ZRANB3: variants seen among roughly 807,000 people sequenced by gnomAD.
ZRANB3 encodes zinc finger RANBP2-type containing 3, also known as DNA annealing helicase and endonuclease ZRANB3.
A neutral mutation model predicts 133.8 loss-of-function variants in ZRANB3; 125 were observed. That is an observed-to-expected ratio of 0.93 (90% CI 0.81 to 1.08). ZRANB3 has a LOEUF of 1.08. ZRANB3 is among the 50% of genes least tolerant of loss of function. ZRANB3 has a pLI of 0.00. For missense variants in ZRANB3, 1,229 were observed against 1,275.5 expected (o/e 0.96, Z 0.56); for synonymous variants, 387 against 432.7 (o/e 0.89, Z 1.31).
chr2:135,472,928 CATATA>C (rs775102103), intron 2 of ZRANB3, among the ~76,000 whole-genome samples: 2 of 152,176 alleles, frequency 1.3e-5, no homozygotes, highest in African/African-American at 4.8e-5. Context: ...ACACTTCTAG[CATATA>C]ATATGTGCTT....
At chr2:135,381,500 G>C (rs901707491) in intron 3 of ZRANB3, among the ~76,000 whole-genome samples, 4 of 152,182 alleles carry the variant, frequency 2.6e-5, no homozygotes, top group Non-Finnish European at 5.9e-5. Flanking sequence ...AGAGAGTAGT[G>C]GTTCTCCCAG....
intron 3 of ZRANB3, among the ~76,000 whole-genome samples, chr2:135,357,114 T>C (rs1685473116): frequency 6.6e-6 from 1 of 152,190 alleles, no homozygotes; most frequent in Non-Finnish European, 1.5e-5. Context: ...TTGTTTTATA[T>C]TTGAGACAGT....
At chr2:135,252,521 G>T (rs1032821405) in intron 12 of ZRANB3, among the ~76,000 whole-genome samples, 1 of 152,060 alleles carries the variant, frequency 6.6e-6, no homozygotes, top group Non-Finnish European at 1.5e-5. Context: ...TAACTCAGGG[G>T]GTTAAATTAA....
In ZRANB3 at chr2:135,419,330, T is replaced by C. The variant is rs76758774; in HGVS notation, c.162-28510A>G. Among the ~76,000 whole-genome samples, 449 of 152,032 alleles carry C rather than the reference T, an allele frequency of 3.0e-3. 3 individuals are homozygous for C. Among genetic ancestry groups the C allele is most frequent in the African/African-American group, 0.01 (418 of 41,468 alleles). The stretch of plus-strand genomic sequence containing the variant: ...TGTACATTTTGGATTTTACATAAGA[T>C]TAGGAAAGGTATAAATCAATCGTAG... On this transcript the variant is annotated intron_variant, in intron 2 of 20. Transcript: ENST00000264159.
At chr2:135,415,622 C>T (rs553279239) in intron 2 of ZRANB3, among the ~76,000 whole-genome samples, 317 of 152,272 alleles carry the variant, frequency 2.1e-3, no homozygotes, top group Non-Finnish European at 2.9e-3. Context: ...TCAGCATCAT[C>T]CTGATACCAA....
chr2:135,519,900 A>C (rs1468998093), intron 1 of ZRANB3, among the ~76,000 whole-genome samples: 1 of 152,156 alleles, frequency 6.6e-6, no homozygotes, highest in Non-Finnish European at 1.5e-5. Context: ...TCATACTTCA[A>C]CAACATTAAC....
At chr2:135,473,589 C>T (rs1574157800) in intron 2 of ZRANB3, among the ~76,000 whole-genome samples, 1 of 151,520 alleles carries the variant, frequency 6.6e-6, no homozygotes, top group African/African-American at 2.4e-5. Context: ...TGGAAATACA[C>T]ATTCGATTTT....
chr2:135,323,933 T>G (rs1683667938), intron 6 of ZRANB3, among the ~76,000 whole-genome samples: 2 of 152,064 alleles, frequency 1.3e-5, no homozygotes, highest in South Asian at 4.2e-4. Flanking sequence ...CACCTCCAGC[T>G]AATTTTTATA....
intron 3 of ZRANB3, among the ~76,000 whole-genome samples, chr2:135,379,015 T>G (rs1479387170): frequency 1.3e-5 from 2 of 152,168 alleles, no homozygotes; most frequent in African/African-American, 4.8e-5. Context: ...AAAACCTGCA[T>G]AAAGTATGGT....
chr2:135,418,342 C>T (rs1158129949), intron 2 of ZRANB3, among the ~76,000 whole-genome samples: 1 of 152,152 alleles, frequency 6.6e-6, no homozygotes, highest in Non-Finnish European at 1.5e-5. Flanking sequence ...GAACCAATCT[C>T]CTGCATATAC....
intron 2 of ZRANB3, among the ~76,000 whole-genome samples, chr2:135,429,962 C>T (rs927496521): frequency 7.2e-5 from 11 of 152,160 alleles, no homozygotes; most frequent in African/African-American, 1.9e-4. Context: ...ATGGGAGGAT[C>T]GCTTGAGCCC....
chr2:135,313,830 A>G (rs1042033372), intron 7 of ZRANB3, among the ~76,000 whole-genome samples: 2 of 152,210 alleles, frequency 1.3e-5, no homozygotes, highest in Admixed American at 6.5e-5. Context: ...GTGAAAACAA[A>G]GCCCTTTGCT....
intron 2 of ZRANB3, among the ~76,000 whole-genome samples, chr2:135,455,869 C>A (rs1293868693): frequency 6.6e-6 from 1 of 152,184 alleles, no homozygotes; most frequent in African/African-American, 2.4e-5. Flanking sequence ...GCTGGGATTA[C>A]AGGCATGAGC....
At chr2:135,250,384 C>T (rs189826459) in intron 12 of ZRANB3, among the ~76,000 whole-genome samples, 25 of 152,086 alleles carry the variant, frequency 1.6e-4, no homozygotes, top group Non-Finnish European at 2.6e-4. Context: ...GAAAACTTCT[C>T]GGGAGAAATT....
chr2:135,424,597 G>A (rs1390054966), intron 2 of ZRANB3, among the ~76,000 whole-genome samples: 1 of 152,170 alleles, frequency 6.6e-6, no homozygotes, highest in Non-Finnish European at 1.5e-5. Context: ...GCCGAGCATG[G>A]TGGAAGGCAC....
At chr2:135,455,639 C>T (rs1407693659) in intron 2 of ZRANB3, among the ~76,000 whole-genome samples, 7 of 146,834 alleles carry the variant, frequency 4.8e-5, no homozygotes, top group East Asian at 4.1e-4. Context: ...TCCCCTAGGC[C>T]GGAGTGCAGT....
chr2:135,344,461 C>T (rs1482617394), intron 6 of ZRANB3, among the ~76,000 whole-genome samples: 1 of 152,116 alleles, frequency 6.6e-6, no homozygotes, highest in African/African-American at 2.4e-5. Context: ...ACAGGCTGGG[C>T]GTGGTGGCTC....
intron 2 of ZRANB3, among the ~76,000 whole-genome samples, chr2:135,420,292 T>A (rs1398834063): frequency 1.3e-5 from 2 of 151,440 alleles, no homozygotes; most frequent in African/African-American, 4.8e-5. Context: ...TTCAAAAAAT[T>A]AATAAAATTA....
At chr2:135,459,172 T>C (rs565257521) in intron 2 of ZRANB3, among the ~76,000 whole-genome samples, 5 of 152,324 alleles carry the variant, frequency 3.3e-5, no homozygotes, top group Admixed American at 6.5e-5. Flanking sequence ...ACCGGCCTAA[T>C]ACTGTATTAA....
Sources: allele counts gnomAD v4.1 joint callset (sites outside exome capture counted in the v4.1 genomes callset), GRCh38; gene constraint gnomAD v4.1.1; transcripts MANE v1.5; gene names NCBI Gene and HGNC (gene_info 2026-07-23, HGNC 2026-07-21).